ZMYND8: variants seen among roughly 807,000 people sequenced by gnomAD.
ZMYND8 encodes the protein zinc finger MYND-type containing 8.
In ZMYND8, 37 loss-of-function variants were observed where a neutral mutation model predicts 140.8. The observed-to-expected ratio is 0.26, with a 90% confidence interval of 0.20 to 0.35. The LOEUF is 0.35. Ranked by LOEUF, ZMYND8 falls within the 10% of genes least tolerant of loss-of-function variation. The pLI, the probability that ZMYND8 is intolerant of heterozygous loss-of-function variation, is 1.00. For missense variants in ZMYND8, 1,068 were observed against 1,570.0 expected, an observed-to-expected ratio of 0.68 and a Z score of 5.40; for synonymous variants, 592 against 597.1, an observed-to-expected ratio of 0.99 and a Z score of 0.12.
intron 2 of ZMYND8, among the ~76,000 whole-genome samples, chr20:47,315,145 A>C (rs2079277182): frequency 1.3e-5 from 2 of 152,224 alleles, no homozygotes; most frequent in Admixed American, 1.3e-4. Flanking sequence ...ATATACTTGT[A>C]AGCGATTTAG....
At chr20:47,299,279 G>A (rs2077841883) in intron 3 of ZMYND8, among the ~76,000 whole-genome samples, 1 of 152,184 alleles carries the variant, frequency 6.6e-6, no homozygotes, top group African/African-American at 2.4e-5. Context: ...GCATGACCTT[G>A]GACAAGTCTC....
chr20:47,237,399 C>G (rs1455104925), intron 15 of ZMYND8: 2 of 151,266 alleles, frequency 1.3e-5, no homozygotes, highest in African/African-American at 4.9e-5. Context: ...CTCAAGTGAT[C>G]TGCCTGCCTT....
Position 47,210,832 on chromosome 20 carries a change from C to T in ZMYND8, c.3634G>A (p.Asp1212Asn), listed in dbSNP as rs750833798. Residue 1212 changes from aspartate (D) to asparagine (N), a missense_variant, in exon 23 of 23, where the codon GAT (aspartate) becomes AAT (asparagine). Physicochemically the swap from Asp to Asn is conservative, Grantham distance 23 (BLOSUM62 1). Transcript: ENST00000471951. ...TTCGTGCTGGTACTGGTGTTGTGAT[C>T]GGAACGTGTCGATCCCCTCTTCTCA... is the stretch of plus-strand genomic sequence containing the variant. Reference protein sequence around the residue: ...SDEKRGSTRSDHNTSTSTKSL... With the variant: ...SDEKRGSTRSNHNTSTSTKSL... 7.4e-6 allele frequency: 12 copies of T among 1,613,970 alleles called. No individual in the cohort carries two copies. Among genetic ancestry groups the T allele is most frequent in the Middle Eastern group, 3.3e-4 (2 of 6,084 alleles).
chr20:47,273,667 C>G (rs2147761320), intron 11 of ZMYND8, among the ~76,000 whole-genome samples: 1 of 152,320 alleles, frequency 6.6e-6, no homozygotes, highest in South Asian at 2.1e-4. Context: ...GGGTCTCACT[C>G]TATTGTCCAG....
chr20:47,342,846 CA>C (rs1041501318), intron 2 of ZMYND8, among the ~76,000 whole-genome samples: 3,377 of 74,976 alleles, frequency 0.045, 102 homozygotes, highest in African/African-American at 0.13. Flanking sequence ...GACTACATCT[CA>C]AAAAAAAAAA....
intron 21 of ZMYND8, among the ~76,000 whole-genome samples, chr20:47,215,787 T>C (rs947047203): frequency 1.3e-5 from 2 of 152,194 alleles, no homozygotes; most frequent in African/African-American, 2.4e-5. Flanking sequence ...TTAAATTCCA[T>C]TCCTCAGTCG....
chr20:47,326,862 G>A (rs896184505), intron 2 of ZMYND8, among the ~76,000 whole-genome samples: 2 of 152,122 alleles, frequency 1.3e-5, no homozygotes, highest in South Asian at 4.1e-4. Context: ...CATAAGACGG[G>A]TCTAGATTTT....
At chr20:47,310,599 C>A (rs1425292809) in intron 2 of ZMYND8, among the ~76,000 whole-genome samples, 3 of 151,748 alleles carry the variant, frequency 2.0e-5, no homozygotes, top group Non-Finnish European at 4.4e-5. Context: ...AGTTCAAGAC[C>A]AGCCTGGCCA....
intron 12 of ZMYND8, among the ~76,000 whole-genome samples, chr20:47,255,762 ATAC>A: frequency 1.2e-5 from 1 of 80,718 alleles, no homozygotes; most frequent in Non-Finnish European, 2.3e-5. Flanking sequence ...ATATATATAT[ATAC>A]GGTATATATA....
At chr20:47,311,210 C>T (rs963723866) in intron 2 of ZMYND8, among the ~76,000 whole-genome samples, 1 of 152,160 alleles carries the variant, frequency 6.6e-6, no homozygotes, top group African/African-American at 2.4e-5. Context: ...GTGTTTGAGA[C>T]CCTCCTCCAA....
In ZMYND8 at chr20:47,287,354, C is replaced by T. The variant is rs1244606727; in HGVS notation, c.749-70G>A. The T allele has an allele frequency of 5.4e-6, 7 of 1,300,062 alleles. No individual in the cohort carries two copies. In the African/African-American group the frequency reaches 1.0e-4, roughly 19 times the overall value. The allele number at this position is 1,300,062 out of a possible 1,614,324, so 80.5% of individuals were successfully genotyped here. A position where few individuals can be genotyped will look rare whatever the true frequency, so the allele number is the denominator to read the frequency against. ...AACACCGGGCCTGGGGACTTTACTT[C>T]CGCTAACAATGTGTTTACTTGCTTT... On this transcript the variant is annotated intron_variant, in intron 7 of 22. Transcript: ENST00000471951.
chr20:47,330,578 A>G (rs2080858342), intron 2 of ZMYND8, among the ~76,000 whole-genome samples: 1 of 152,112 alleles, frequency 6.6e-6, no homozygotes, highest in Admixed American at 6.5e-5. Context: ...GAAGGCGCCC[A>G]TTAGAAGTTA....
intron 6 of ZMYND8, 118 bp downstream of exon 6, chr20:47,291,678 T>C (rs2077273969): frequency 1.6e-6 from 1 of 627,418 alleles, no homozygotes; most frequent in Non-Finnish European, 2.4e-6. Flanking sequence ...AATGAAAATA[T>C]AGAGAAACAA....
At position 47,229,155 on chromosome 20, in the gene ZMYND8, T is replaced by C. The variant is rs540348693; in HGVS notation, c.2937+571A>G. Among the ~76,000 whole-genome samples the C allele has an allele frequency of 9.8e-4, 149 of 151,408 alleles. 2 individuals are homozygous for C. In the South Asian group the frequency reaches 0.03, roughly 31 times the overall value. On this transcript the variant is annotated intron_variant, in intron 17 of 22. Coordinates refer to ENST00000471951, the MANE Select transcript of ZMYND8 (RefSeq NM_001281775.3). ...CACCACCATCTCCTGCTTGTTTTTTTAAAATTTTTGTAGAAATGGGGTTTC... is the reference window on the plus strand; with the variant it reads ...CACCACCATCTCCTGCTTGTTTTTTCAAAATTTTTGTAGAAATGGGGTTTC...
intron 19 of ZMYND8, among the ~76,000 whole-genome samples, chr20:47,221,913 C>T (rs1260326835): frequency 6.6e-6 from 1 of 152,174 alleles, no homozygotes; most frequent in Non-Finnish European, 1.5e-5. Flanking sequence ...GTGATCCACC[C>T]ACCTCGGCCT....
intron 2 of ZMYND8, among the ~76,000 whole-genome samples, chr20:47,334,633 G>A (rs1296966534): frequency 2.0e-5 from 3 of 147,104 alleles, no homozygotes; most frequent in Admixed American, 6.8e-5. Context: ...TATATTTTAG[G>A]CAGTCTTGCT....
At chr20:47,232,766 T>C (rs2038683042) in intron 16 of ZMYND8, among the ~76,000 whole-genome samples, 1 of 152,122 alleles carries the variant, frequency 6.6e-6, no homozygotes, top group African/African-American at 2.4e-5. Flanking sequence ...GACACCTACT[T>C]ATATCACTAA....
At chr20:47,328,523 G>A (rs560959299) in intron 2 of ZMYND8, among the ~76,000 whole-genome samples, 1 of 152,218 alleles carries the variant, frequency 6.6e-6, no homozygotes, top group Non-Finnish European at 1.5e-5. Flanking sequence ...GAGTGCAGTG[G>A]CATGATCTCA....
chr20:47,335,947 C>T (rs1569226514), intron 2 of ZMYND8, among the ~76,000 whole-genome samples: 1 of 152,198 alleles, frequency 6.6e-6, no homozygotes, highest in Non-Finnish European at 1.5e-5. Context: ...CTTTCCACTG[C>T]ACAGTACACG....
Sources: allele counts gnomAD v4.1 joint callset (sites outside exome capture counted in the v4.1 genomes callset), GRCh38; gene constraint gnomAD v4.1.1; transcripts MANE v1.5; gene names NCBI Gene and HGNC (gene_info 2026-07-23, HGNC 2026-07-21).